ADAMTS12: variants seen among roughly 807,000 people sequenced by gnomAD.
ADAMTS12 encodes A disintegrin and metalloproteinase with thrombospondin motifs 12.
A neutral mutation model predicts 167.8 loss-of-function variants in ADAMTS12; 118 were observed. That is an observed-to-expected ratio of 0.70 (90% confidence interval 0.61 to 0.82). ADAMTS12 has a LOEUF of 0.82. Among genes scored for constraint, ADAMTS12 ranks in the 40% least tolerant of loss-of-function variants. ADAMTS12 has a pLI of 0.00. For synonymous variants in ADAMTS12, 704 were observed against 716.9 expected (o/e 0.98, Z 0.29); for missense variants, 1,916 against 1,998.8 (o/e 0.96, Z 0.79).
chr5:33,617,084 T>C (rs1050612387), intron 14 of ADAMTS12, among the ~76,000 whole-genome samples: 5 of 152,194 alleles, frequency 3.3e-5, no homozygotes, highest in Non-Finnish European at 5.9e-5. Flanking sequence ...TCTATGAGTT[T>C]CATTGATTCA....
chr5:33,631,500 C>T (rs1469342912), intron 12 of ADAMTS12, among the ~76,000 whole-genome samples: 5 of 152,090 alleles, frequency 3.3e-5, no homozygotes, highest in Admixed American at 2.6e-4. Context: ...CTGAAGCCAA[C>T]CTGCTTATCA....
chr5:33,600,303 A>AT (rs1738125048), intron 16 of ADAMTS12, among the ~76,000 whole-genome samples: 1 of 1,924 alleles, frequency 5.2e-4, no homozygotes, highest in Admixed American at 0.023. Flanking sequence ...CTTTAAAAGA[A>AT]CGTCTTCCTG....
chr5:33,616,896 G>C (rs372455840), intron 14 of ADAMTS12, among the ~76,000 whole-genome samples: 3 of 152,336 alleles, frequency 2.0e-5, no homozygotes, highest in Non-Finnish European at 2.9e-5. Flanking sequence ...ATGGTTGCCA[G>C]TGTTTGCCAA....
intron 3 of ADAMTS12, among the ~76,000 whole-genome samples, chr5:33,721,298 C>T (rs1743796532): frequency 6.6e-6 from 1 of 152,128 alleles, no homozygotes; most frequent in African/African-American, 2.4e-5. Context: ...GTTACATGGA[C>T]GTGTTCTGTT....
At position 33,869,232 on chromosome 5, in the gene ADAMTS12, C is replaced by T. The variant is rs977620220; in HGVS notation, c.489+11887G>A. Among the ~76,000 whole-genome samples the T allele has an allele frequency of 3.9e-5, 6 of 152,286 alleles. No individual in the cohort carries two copies. The East Asian group carries it at 1.2e-3, about 29-fold the overall frequency. On this transcript the variant is annotated intron_variant, in intron 2 of 23. Coordinates refer to ENST00000504830, the MANE Select transcript of ADAMTS12 (RefSeq NM_030955.4). ...CAGCCATGGCTAAAAGGGTCCCAGA[C>T]ATATGTCAGGCCACTGCTCCAGAGG...
intron 7 of ADAMTS12, among the ~76,000 whole-genome samples, chr5:33,657,523 A>G: frequency 6.6e-6 from 1 of 152,220 alleles, no homozygotes; most frequent in East Asian, 1.9e-4. Flanking sequence ...GTGAATTCAG[A>G]ATCTCATTAT....
chr5:33,843,267 G>C (rs1417421741), intron 2 of ADAMTS12, among the ~76,000 whole-genome samples: 2 of 152,198 alleles, frequency 1.3e-5, no homozygotes, highest in Non-Finnish European at 2.9e-5. Context: ...AGCAAGATGA[G>C]AAAAATGTCC....
chr5:33,572,334 A>G (rs536110649), intron 19 of ADAMTS12, among the ~76,000 whole-genome samples: 4 of 152,222 alleles, frequency 2.6e-5, no homozygotes, highest in Admixed American at 2.0e-4. Flanking sequence ...ATGAACATTG[A>G]TGCAAAAATC....
intron 3 of ADAMTS12, among the ~76,000 whole-genome samples, chr5:33,744,467 A>G (rs1478589915): frequency 6.6e-6 from 1 of 152,184 alleles, no homozygotes; most frequent in Non-Finnish European, 1.5e-5. Flanking sequence ...CTTTATCCTA[A>G]GGGTAATGGG....
intron 2 of ADAMTS12, among the ~76,000 whole-genome samples, chr5:33,770,546 C>T (rs547422932): frequency 4.6e-5 from 7 of 152,184 alleles, no homozygotes; most frequent in Admixed American, 1.3e-4. Context: ...TTTTCACATT[C>T]ATCTGAAATA....
chr5:33,632,580 C>T (rs1339575524), intron 12 of ADAMTS12, among the ~76,000 whole-genome samples: 1 of 152,112 alleles, frequency 6.6e-6, no homozygotes, highest in Non-Finnish European at 1.5e-5. Context: ...TGGGACAAAG[C>T]GTGACTTGGG....
At chr5:33,798,184 T>A (rs1465380122) in intron 2 of ADAMTS12, among the ~76,000 whole-genome samples, 4 of 151,474 alleles carry the variant, frequency 2.6e-5, no homozygotes, top group African/African-American at 9.8e-5. Flanking sequence ...TACACTCTCA[T>A]GACATTTTTT....
intron 9 of ADAMTS12, among the ~76,000 whole-genome samples, chr5:33,647,881 C>A (rs1740734473): frequency 6.6e-6 from 1 of 152,102 alleles, no homozygotes; most frequent in Non-Finnish European, 1.5e-5. Flanking sequence ...TTTACTTTCC[C>A]CTTTAAGTTT....
At chr5:33,535,521 G>A (rs1744353682) in intron 22 of ADAMTS12, among the ~76,000 whole-genome samples, 1 of 152,182 alleles carries the variant, frequency 6.6e-6, no homozygotes, top group Admixed American at 6.5e-5. Flanking sequence ...TGGCAGAAAA[G>A]GTGAATGGAA....
chr5:33,793,211 C>A (rs1159924703), intron 2 of ADAMTS12, among the ~76,000 whole-genome samples: 3 of 152,180 alleles, frequency 2.0e-5, no homozygotes, highest in Non-Finnish European at 4.4e-5. Flanking sequence ...TTTCTGTTCA[C>A]AAATACAAAC....
chr5:33,787,030 G>T (rs1746355318), intron 2 of ADAMTS12, among the ~76,000 whole-genome samples: 1 of 152,132 alleles, frequency 6.6e-6, no homozygotes, highest in Non-Finnish European at 1.5e-5. Context: ...AACCTAAGTG[G>T]ATGCCTAGAT....
At chr5:33,792,833 G>T (rs1746628646) in intron 2 of ADAMTS12, among the ~76,000 whole-genome samples, 1 of 152,208 alleles carries the variant, frequency 6.6e-6, no homozygotes. Context: ...TCAACCTTTG[G>T]CTGGTGTTAT....
At chr5:33,887,823 C>G (rs1750691763) in intron 1 of ADAMTS12, among the ~76,000 whole-genome samples, 1 of 151,952 alleles carries the variant, frequency 6.6e-6, no homozygotes, top group Admixed American at 6.6e-5. Context: ...CGGCCCACTG[C>G]AACCTCTGCC....
At chr5:33,550,035 A>T (rs1304276333) in intron 20 of ADAMTS12, among the ~76,000 whole-genome samples, 1 of 152,176 alleles carries the variant, frequency 6.6e-6, no homozygotes, top group Non-Finnish European at 1.5e-5. Flanking sequence ...ACGTGCAGCC[A>T]TCACTGAGAG....
Sources: gnomAD v4.1 joint callset for allele counts (sites outside exome capture counted in the v4.1 genomes callset) on GRCh38, gnomAD v4.1.1 for gene constraint, MANE v1.5 for transcripts, NCBI Gene and HGNC (gene_info 2026-07-23, HGNC 2026-07-21) for gene names.